Variants in RSPRY1 observed in about 807,000 individuals in gnomAD.
RSPRY1 encodes the protein ring finger and SPRY domain containing 1.
A neutral mutation model predicts 73.1 loss-of-function variants in RSPRY1; 23 were observed. The observed-to-expected ratio is 0.31, with a 90% CI of 0.23 to 0.45. The LOEUF is 0.45. RSPRY1 is among the 20% of genes least tolerant of loss of function. The pLI is 1.00. For synonymous variants in RSPRY1, 226 were observed against 251.4 expected, an observed-to-expected ratio of 0.90 and a Z score of 0.95; for missense variants, 448 against 698.7, an observed-to-expected ratio of 0.64 and a Z score of 4.05.
At chr16:57,222,167 C>A (rs553979418) in intron 10 of RSPRY1, among the ~76,000 whole-genome samples, 8 of 152,182 alleles carry the variant, frequency 5.3e-5, no homozygotes, top group Admixed American at 5.2e-4. Context: ...AATAGCCCCC[C>A]CCTCCAATAT....
In RSPRY1 at chr16:57,239,773, G is replaced by A. The variant is rs1362867050; in HGVS notation, c.*798G>A. Reference sequence around the variant, plus strand: ...AGGTTGGAGAAAATTTGGTATTTAGGGTATTTTCAAGGTACCATCAAATCA... The same window carrying A: ...AGGTTGGAGAAAATTTGGTATTTAGAGTATTTTCAAGGTACCATCAAATCA... On this transcript the variant is annotated 3_prime_UTR_variant, in exon 15 of 15. Transcript: ENST00000394420. 6.6e-6 allele frequency: 1 copy of A among 151,188 alleles called. No homozygotes were observed. The highest frequency in any genetic ancestry group is 1.5e-5 in the Non-Finnish European group (1 of 67,800). The allele number at this position is 151,188 out of a possible 1,614,324, so 9.4% of individuals were successfully genotyped here. A position where few individuals can be genotyped will look rare whatever the true frequency, so the allele number is the denominator to read the frequency against.
At chr16:57,216,416 A>G (rs2074941163) in intron 7 of RSPRY1, 2 of 467,534 alleles carry the variant, frequency 4.3e-6, no homozygotes, top group Non-Finnish European at 7.5e-6. Context: ...AAATTTAGTG[A>G]TGTGATTGCT....
intron 9 of RSPRY1, among the ~76,000 whole-genome samples, chr16:57,221,063 C>T (rs2075026441): frequency 6.6e-6 from 1 of 152,170 alleles, no homozygotes; most frequent in Non-Finnish European, 1.5e-5. Flanking sequence ...TGAAGAATGG[C>T]TGCAAACAAT....
intron 2 of RSPRY1, 149 bp downstream of exon 2, chr16:57,205,157 GGCAGAGTAAATGATAAGATTTGAT>G: frequency 1.6e-6 from 1 of 607,646 alleles, no homozygotes; most frequent in Non-Finnish European, 2.9e-6. Context: ...CTCCGCTGAT[GGCAGAGTAAATGATAAGATTTGAT>G]GTTTTTGCTT....
intron 13 of RSPRY1, among the ~76,000 whole-genome samples, chr16:57,231,555 T>G (rs1263210790): frequency 6.6e-6 from 1 of 152,236 alleles, no homozygotes; most frequent in Non-Finnish European, 1.5e-5. Context: ...AGGGGATCTC[T>G]ACCAAATCTT....
intron 10 of RSPRY1, among the ~76,000 whole-genome samples, chr16:57,223,336 A>G (rs1392438299): frequency 5.3e-5 from 8 of 152,226 alleles, no homozygotes; most frequent in African/African-American, 1.4e-4. Context: ...AAGGCTGGCC[A>G]CTGGGCTCAA....
At chr16:57,227,047 T>C (rs112095790) in intron 10 of RSPRY1, among the ~76,000 whole-genome samples, 7 of 152,202 alleles carry the variant, frequency 4.6e-5, no homozygotes, top group African/African-American at 1.7e-4. Context: ...TAAAATGGAG[T>C]CTGATGCCAC....
chr16:57,198,520 A>T (rs1297236978), intron 1 of RSPRY1, among the ~76,000 whole-genome samples: 8 of 152,128 alleles, frequency 5.3e-5, no homozygotes, highest in African/African-American at 1.9e-4. Context: ...CCTCACAGGC[A>T]CCCCCAAGAT....
chr16:57,231,128 TATTA>T (rs1388429813), intron 12 of RSPRY1, 35 bp from the exon 13 acceptor site: 2 of 1,580,428 alleles, frequency 1.3e-6, no homozygotes, highest in South Asian at 1.1e-5. Flanking sequence ...TTTTGATTTT[TATTA>T]ATTCTATTGG....
At chr16:57,217,107 G>T (rs779071903) in intron 8 of RSPRY1, 72 bp downstream of exon 8, 12 of 1,563,336 alleles carry the variant, frequency 7.7e-6, no homozygotes, top group Non-Finnish European at 1.1e-5. Context: ...AGGCTCACTG[G>T]TCTTCCTTTT....
At chr16:57,221,792 T>C (rs949252182) in intron 10 of RSPRY1, among the ~76,000 whole-genome samples, 2 of 152,274 alleles carry the variant, frequency 1.3e-5, no homozygotes, top group Non-Finnish European at 1.5e-5. Flanking sequence ...GTAGGGATTC[T>C]TTTCCTTTCA....
At chr16:57,208,202 A>T in intron 3 of RSPRY1, 92 bp downstream of exon 3, 5 of 755,542 alleles carry the variant, frequency 6.6e-6, no homozygotes, top group Non-Finnish European at 8.4e-6. Flanking sequence ...TTTTGTTTTG[A>T]GATAAAAGAC....
intron 4 of RSPRY1, among the ~76,000 whole-genome samples, chr16:57,212,451 G>T (rs1395974369): frequency 6.6e-6 from 1 of 152,136 alleles, no homozygotes; most frequent in East Asian, 1.9e-4. Context: ...TCAAGAATAT[G>T]TAGCATATAT....
At position 57,231,358 on chromosome 16, in the gene RSPRY1, G is replaced by A. The variant is rs767046574; in HGVS notation, c.1529+39G>A. 1.9e-6 allele frequency: 3 copies of A among 1,546,962 alleles called. No homozygotes were observed. The East Asian group carries it at 6.8e-5, about 35-fold the overall frequency. ...CCAGGCTATCTCCAGACTTTCACAT[G>A]AATCTTATGAGAAATTAAACAATTT... On this transcript the variant is annotated intron_variant, in intron 13 of 14. Transcript: ENST00000394420.
At chr16:57,196,178 G>A (rs1234592888) in intron 1 of RSPRY1, among the ~76,000 whole-genome samples, 4 of 151,952 alleles carry the variant, frequency 2.6e-5, no homozygotes, top group Non-Finnish European at 5.9e-5. Flanking sequence ...TGCTTCGTAA[G>A]ATGGACCTCA....
At chr16:57,230,678 A>C (rs745706496) in intron 11 of RSPRY1, 33 bp from the exon 12 acceptor site, 85 of 1,218,134 alleles carry the variant, frequency 7.0e-5, no homozygotes, top group Non-Finnish European at 9.8e-5. Context: ...AGTACACATC[A>C]TTATCCTAAC....
chr16:57,205,519 T>G (rs1288015614), intron 2 of RSPRY1, among the ~76,000 whole-genome samples: 2 of 152,244 alleles, frequency 1.3e-5, no homozygotes, highest in Non-Finnish European at 2.9e-5. Flanking sequence ...TTAGGAAGCT[T>G]GTCAGTTGAT....
chr16:57,207,357 AATAT>A (rs2074745819), intron 2 of RSPRY1, among the ~76,000 whole-genome samples: 1 of 152,126 alleles, frequency 6.6e-6, no homozygotes, highest in Non-Finnish European at 1.5e-5. Context: ...AGAGACCCAC[AATAT>A]GTAAACAAAT....
chr16:57,213,238 A>C, intron 5 of RSPRY1, 140 bp downstream of exon 5: 1 of 772,772 alleles, frequency 1.3e-6, no homozygotes, highest in Non-Finnish European at 1.9e-6. Flanking sequence ...GACTAACTGG[A>C]AGAAAATTAC....
Sources: gnomAD v4.1 joint callset for allele counts (sites outside exome capture counted in the v4.1 genomes callset) on GRCh38, gnomAD v4.1.1 for gene constraint, MANE v1.5 for transcripts, NCBI Gene and HGNC (gene_info 2026-07-23, HGNC 2026-07-21) for gene names.